UBXN2B: variants seen among roughly 807,000 people sequenced by gnomAD.
UBXN2B encodes UBX domain protein 2B, also known as UBX domain-containing protein 2B.
A neutral mutation model predicts 37.5 loss-of-function variants in UBXN2B; 19 were observed. The ratio of observed to expected loss-of-function variants is 0.51; its 90% CI spans 0.35 to 0.74. The LOEUF (loss-of-function observed/expected upper bound fraction) is 0.74, where lower values mean the gene tolerates loss of function less well. UBXN2B is among the 30% of genes least tolerant of loss of function. UBXN2B has a pLI of 0.01. For synonymous variants in UBXN2B, 145 were observed against 143.8 expected (o/e 1.01, Z -0.06); for missense variants, 370 against 393.2 (o/e 0.94, Z 0.50).
chr8:58,430,720 C>T, intron 3 of UBXN2B, 51 bp downstream of exon 3: 2 of 1,297,672 alleles, frequency 1.5e-6, no homozygotes, highest in Middle Eastern at 2.0e-4. Context: ...TTTACCTCCT[C>T]TTTCATTTTT....
chr8:58,438,332 G>A (rs1808465162), intron 5 of UBXN2B, among the ~76,000 whole-genome samples: 1 of 152,182 alleles, frequency 6.6e-6, no homozygotes, highest in Admixed American at 6.5e-5. Context: ...GAAGGGAGGT[G>A]CCACCTCCAG....
At chr8:58,417,391 A>G (rs939603122) in intron 2 of UBXN2B, among the ~76,000 whole-genome samples, 3 of 152,206 alleles carry the variant, frequency 2.0e-5, no homozygotes, top group Admixed American at 6.5e-5. Context: ...AAGCCACTCC[A>G]TGGAGCCTCT....
chr8:58,417,042 A>G, intron 2 of UBXN2B, 89 bp downstream of exon 2: 1 of 1,048,176 alleles, frequency 9.5e-7, no homozygotes, highest in Non-Finnish European at 1.3e-6. Flanking sequence ...GGCCTTCTTC[A>G]AGGTTTCTTC....
At chr8:58,413,515 A>G (rs1807692743) in intron 1 of UBXN2B, 1 of 152,152 alleles carries the variant, frequency 6.6e-6, no homozygotes, top group Admixed American at 6.5e-5. Context: ...CTTTCAGTAG[A>G]TATTTCTTAC....
intron 2 of UBXN2B, chr8:58,425,272 C>T: frequency 8.7e-7 from 1 of 1,148,858 alleles, no homozygotes; most frequent in East Asian, 2.3e-5. Flanking sequence ...GTATTTGACA[C>T]ATTTACTCTA....
At chr8:58,425,357 T>C in intron 2 of UBXN2B, 1 of 1,142,696 alleles carries the variant, frequency 8.8e-7, no homozygotes, top group Non-Finnish European at 1.3e-6. Context: ...CAAAAGTCGT[T>C]CACCATGTTT....
chr8:58,419,411 A>G (rs1342760059), intron 2 of UBXN2B, among the ~76,000 whole-genome samples: 5 of 152,208 alleles, frequency 3.3e-5, no homozygotes, highest in Non-Finnish European at 5.9e-5. Flanking sequence ...TTAAGCCAAG[A>G]CAGTTTCATT....
At chr8:58,433,090 T>C (rs1808323485) in intron 3 of UBXN2B, 70 bp from the exon 4 acceptor site, 5 of 1,277,326 alleles carry the variant, frequency 3.9e-6, no homozygotes, top group Middle Eastern at 2.3e-4. Flanking sequence ...AGTTTTAAAA[T>C]ACATATCACA....
In UBXN2B at chr8:58,432,679, A is replaced by G. The variant is rs559680127; in HGVS notation, c.340-481A>G. ...TTACGAGCATGAGCCACCTCTATACAGCTTTTATAATTGTTACCAACTGAC... is the reference window on the plus strand; with the variant it reads ...TTACGAGCATGAGCCACCTCTATACGGCTTTTATAATTGTTACCAACTGAC... On this transcript the variant is annotated intron_variant, in intron 3 of 7. Coordinates refer to ENST00000399598, the MANE Select transcript of UBXN2B (RefSeq NM_001077619.2). Among the ~76,000 whole-genome samples, 39 of 152,236 alleles carry G rather than the reference A, an allele frequency of 2.6e-4. 1 individual carries two copies. The South Asian group carries it at 7.7e-3, about 30-fold the overall frequency.
intron 5 of UBXN2B, chr8:58,434,917 G>C: frequency 6.5e-7 from 1 of 1,535,574 alleles, no homozygotes; most frequent in Non-Finnish European, 8.7e-7. Context: ...ATCTTTTAAT[G>C]TGGCATTACT....
rs1186685741 is a variant in UBXN2B at position 58,439,675 on chromosome 8, A to G, written c.576A>G (p.Gln192=). The G allele has an allele frequency of 2.4e-5, 39 of 1,612,056 alleles. No homozygotes were observed. Among genetic ancestry groups the G allele is most frequent in the Non-Finnish European group, 3.1e-5 (37 of 1,179,476 alleles). ...LELQRLVHGG[Q]VNLDMEDHQD... is the part of the protein sequence containing the mutation. ...TTCAGCGCCTTGTTCATGGTGGCCA[A>G]GTGAATTTGGATATGGAGGATCATC... The change falls in exon 6 of 8, where the codon CAA becomes CAG. Residue 192 remains glutamine (Q), a synonymous_variant. Transcript: ENST00000399598.
intron 5 of UBXN2B, among the ~76,000 whole-genome samples, chr8:58,435,874 A>G (rs1808400556): frequency 6.6e-6 from 1 of 152,180 alleles, no homozygotes. Flanking sequence ...GCTATGTAAG[A>G]CCCATTGTCT....
chr8:58,427,756 A>C (rs1410464734), intron 2 of UBXN2B, among the ~76,000 whole-genome samples: 1 of 152,236 alleles, frequency 6.6e-6, no homozygotes, highest in East Asian at 1.9e-4. Flanking sequence ...ACTGGACCAT[A>C]AGTGAGTGGT....
chr8:58,434,767 C>T (rs1808369926), intron 5 of UBXN2B: 1 of 1,511,028 alleles, frequency 6.6e-7, no homozygotes, highest in African/African-American at 1.4e-5. Flanking sequence ...GAACCCAGCT[C>T]CAAGAAGAAA....
At chr8:58,421,214 C>T (rs1807915335) in intron 2 of UBXN2B, among the ~76,000 whole-genome samples, 1 of 152,162 alleles carries the variant, frequency 6.6e-6, no homozygotes, top group Non-Finnish European at 1.5e-5. Flanking sequence ...AGAATGCACA[C>T]ACACCAAGAA....
In UBXN2B at chr8:58,433,153, A is replaced by G; in HGVS notation, c.340-7A>G. ...GTGAATTTTAACTCACTTGCTATGT[A>G]TTTTAGTCATTTACAGGTGGAGGAT... On this transcript the variant is annotated splice_region_variant and splice_polypyrimidine_tract_variant and intron_variant, in intron 3 of 7. Transcript: ENST00000399598. The G allele has an allele frequency of 6.2e-7, 1 of 1,602,548 alleles. No individual in the cohort carries two copies.
intron 1 of UBXN2B, among the ~76,000 whole-genome samples, chr8:58,411,722 G>A (rs1807643936): frequency 1.3e-5 from 2 of 152,176 alleles, no homozygotes; most frequent in Admixed American, 1.3e-4. Context: ...ATAGCTATTC[G>A]TTTAGAATGA....
At chr8:58,423,490 T>G (rs1187392233) in intron 2 of UBXN2B, among the ~76,000 whole-genome samples, 1 of 151,208 alleles carries the variant, frequency 6.6e-6, no homozygotes, top group Admixed American at 6.6e-5. Context: ...GGCTGGAGTG[T>G]AGTGGCGAGG....
rs1046269148 is a variant in UBXN2B at position 58,449,441 on chromosome 8, A to G, written c.*1890A>G. ...CCAAAATCTTATCTGAGTCTCACCA[A>G]CTCAAAAGTCTCAAATCTCACATTG... is the stretch of plus-strand genomic sequence containing the variant. On this transcript the variant is annotated 3_prime_UTR_variant, in exon 8 of 8. Coordinates refer to ENST00000399598, the MANE Select transcript of UBXN2B (RefSeq NM_001077619.2). 12 of 152,166 alleles carry G rather than the reference A, an allele frequency of 7.9e-5. No individual in the cohort carries two copies. Among genetic ancestry groups the G allele is most frequent in the Non-Finnish European group, 1.2e-4 (8 of 68,038 alleles). 9.4% of individuals were successfully genotyped at this position (152,166 alleles called of 1,614,324 possible).
Sources: allele counts gnomAD v4.1 joint callset (sites outside exome capture counted in the v4.1 genomes callset), GRCh38; gene constraint gnomAD v4.1.1; transcripts MANE v1.5; gene names NCBI Gene and HGNC (gene_info 2026-07-23, HGNC 2026-07-21).